Variants in RAB33A observed in about 807,000 individuals in gnomAD.
RAB33A encodes ras-related protein Rab-33A.
RAB33A carries 6 observed loss-of-function variants against 12.0 expected under a neutral mutation model. The ratio of observed to expected loss-of-function variants is 0.50; its 90% confidence interval spans 0.27 to 0.99. The LOEUF (loss-of-function observed/expected upper bound fraction) is 0.99, where lower values mean the gene tolerates loss of function less well. Ranked by LOEUF, RAB33A falls within the 50% of genes least tolerant of loss-of-function variation. The pLI is 0.11. For missense variants in RAB33A, 109 were observed against 192.0 expected, an observed-to-expected ratio of 0.57 and a Z score of 2.55; for synonymous variants, 70 against 82.4, an observed-to-expected ratio of 0.85 and a Z score of 0.81.
chrX:130,182,702 C>T (rs180698572), intron 1 of RAB33A, among the ~76,000 whole-genome samples: 1,444 of 108,616 alleles, frequency 0.013, 20 homozygotes, highest in African/African-American at 0.046. Context: ...TGCAGTGAGC[C>T]GAGATCGTGC....
At chrX:130,142,636 G>A in the RAB33A span, among the ~76,000 whole-genome samples, 2 of 110,931 alleles carry the variant, frequency 1.8e-5, no homozygotes, top group African/African-American at 3.3e-5. Flanking sequence ...ACTTCCCAAT[G>A]GTATCTGTTT....
At chrX:130,164,122 C>T in the RAB33A span, among the ~76,000 whole-genome samples, 22 of 103,241 alleles carry the variant, frequency 2.1e-4, no homozygotes, top group Non-Finnish European at 3.3e-4. Context: ...GAGCCGAGAT[C>T]GCGCCACTGC....
At chrX:130,120,622 T>G in the RAB33A span, among the ~76,000 whole-genome samples, 2 of 112,334 alleles carry the variant, frequency 1.8e-5, no homozygotes, top group African/African-American at 6.4e-5. Flanking sequence ...CTCGAGGGAC[T>G]TTGCAGAAGC....
the RAB33A span, among the ~76,000 whole-genome samples, chrX:130,120,632 C>T: frequency 8.9e-6 from 1 of 112,451 alleles, no homozygotes; most frequent in Non-Finnish European, 1.9e-5. Context: ...TTTGCAGAAG[C>T]GCGCAGGAAC....
the RAB33A span, among the ~76,000 whole-genome samples, chrX:130,152,402 G>C: frequency 9.0e-6 from 1 of 111,660 alleles, no homozygotes; most frequent in Admixed American, 9.5e-5. Context: ...AAGGGTTTCT[G>C]TACTCCTAGT....
the RAB33A span, chrX:130,140,651 G>A: frequency 9.4e-7 from 1 of 1,065,159 alleles, no homozygotes; most frequent in South Asian, 1.9e-5. Flanking sequence ...AAAAGAGGTA[G>A]AGATGAATTA....
the RAB33A span, chrX:130,135,935 C>T: frequency 1.3e-5 from 13 of 1,039,932 alleles, no homozygotes; most frequent in Non-Finnish European, 1.8e-5. Flanking sequence ...CCTCCAAACA[C>T]TCTGACCCTA....
chrX:130,123,153 C>T, the RAB33A span, among the ~76,000 whole-genome samples: 1 of 111,427 alleles, frequency 9.0e-6, no homozygotes, highest in East Asian at 2.8e-4. Flanking sequence ...CATGCAAACA[C>T]TGAAAGACTG....
the RAB33A span, among the ~76,000 whole-genome samples, chrX:130,126,960 G>A: frequency 8.9e-6 from 1 of 112,130 alleles, no homozygotes; most frequent in South Asian, 3.7e-4. Flanking sequence ...AGTAGGATTT[G>A]GATAGATAAA....
chrX:130,147,384 G>C, the RAB33A span: 2 of 1,012,388 alleles, frequency 2.0e-6, no homozygotes, highest in Non-Finnish European at 2.8e-6. Flanking sequence ...GACTCTAGTG[G>C]ACAGCCAAGC....
At chrX:130,126,629 T>C in the RAB33A span, among the ~76,000 whole-genome samples, 4 of 111,773 alleles carry the variant, frequency 3.6e-5, no homozygotes, top group African/African-American at 1.3e-4. Context: ...CATCCTCCCA[T>C]AAACAACCTG....
the RAB33A span, chrX:130,147,561 C>T: frequency 8.3e-7 from 1 of 1,212,110 alleles, no homozygotes; most frequent in Non-Finnish European, 1.1e-6. Context: ...CTGAAAACCA[C>T]AGTTCTTTTG....
chrX:130,153,805 C>A, the RAB33A span, among the ~76,000 whole-genome samples: 1 of 111,728 alleles, frequency 9.0e-6, no homozygotes, highest in East Asian at 2.8e-4. Flanking sequence ...GAAACTGAAC[C>A]CTGTGTGACC....
chrX:130,171,898 C>CGCGCGCGCGCACACGGTGCCG, upstream of RAB33A: 2 of 554,167 alleles, frequency 3.6e-6, no homozygotes, highest in Non-Finnish European at 5.5e-6. Context: ...CCCCTTCACG[C>CGCGCGCGCGCACACGGTGCCG]GCGCGCGCGC....
the RAB33A span, among the ~76,000 whole-genome samples, chrX:130,113,317 G>A: frequency 9.2e-6 from 1 of 109,184 alleles, no homozygotes; most frequent in African/African-American, 3.3e-5. Flanking sequence ...TCCTGACCTC[G>A]TCATCCACCC....
chrX:130,147,092 G>A, the RAB33A span, among the ~76,000 whole-genome samples: 1 of 111,570 alleles, frequency 9.0e-6, no homozygotes, highest in African/African-American at 3.3e-5. Context: ...AACCCGGGAG[G>A]TGGAGGTTGC....
chrX:130,136,935 A>C, the RAB33A span: 1 of 1,137,633 alleles, frequency 8.8e-7, no homozygotes, highest in Non-Finnish European at 1.2e-6. Context: ...ACCTAGATGA[A>C]CTTAGCTGAC....
chrX:130,179,493 G>A lies in RAB33A; in HGVS notation c.259-4792G>A, dbSNP rs190530836. ...AAGACTCCTGGGGGGTGGGGGGAGT[G>A]GGGATCAGGAGCCAAGTGGTAATGA... On this transcript the variant is annotated intron_variant, in intron 1 of 1. Coordinates refer to ENST00000257017, the MANE Select transcript of RAB33A (RefSeq NM_004794.3). 1.6e-4 allele frequency among the ~76,000 whole-genome samples: 17 copies of A among 109,261 alleles called. No individual in the cohort carries two copies. In the East Asian group the frequency reaches 3.7e-3, roughly 24 times the overall value. 94.9% of individuals were successfully genotyped at this position (109,261 alleles called of 115,157 possible). A position where few individuals can be genotyped will look rare whatever the true frequency, so the allele number is the denominator to read the frequency against.
the RAB33A span, among the ~76,000 whole-genome samples, chrX:130,153,527 T>C: frequency 3.6e-5 from 4 of 111,492 alleles, no homozygotes; most frequent in East Asian, 8.3e-4. Flanking sequence ...TTCACTGTTA[T>C]GGACTGAATG....
Sources: gnomAD v4.1 joint callset for allele counts (sites outside exome capture counted in the v4.1 genomes callset) on GRCh38, gnomAD v4.1.1 for gene constraint, MANE v1.5 for transcripts, NCBI Gene and HGNC (gene_info 2026-07-23, HGNC 2026-07-21) for gene names.